Variants in TGM4 observed in about 807,000 individuals in gnomAD.
TGM4 encodes transglutaminase 4, also known as protein-glutamine gamma-glutamyltransferase 4.
A neutral mutation model predicts 76.3 loss-of-function variants in TGM4; 61 were observed. The ratio of observed to expected loss-of-function variants is 0.80; its 90% confidence interval spans 0.65 to 0.99. The LOEUF is 0.99. Ranked by LOEUF, TGM4 falls within the 50% of genes least tolerant of loss-of-function variation. The probability of loss-of-function intolerance (pLI) is 0.00; values close to 1 mark genes in which losing one functional copy is unlikely to be tolerated. For missense variants in TGM4, 794 were observed against 843.2 expected (o/e 0.94, Z 0.72); for synonymous variants, 337 against 329.8 (o/e 1.02, Z -0.24).
chr3:44,906,933 C>T lies in TGM4; in HGVS notation c.1076-16C>T, dbSNP rs1699928869. 1.9e-6 allele frequency: 3 copies of T among 1,611,128 alleles called. No individual in the cohort carries two copies. In the African/African-American group the frequency reaches 4.0e-5, roughly 22 times the overall value. ...GGGAACCCCACTGAGAGTGACCACC[C>T]CTGGCTTCCCCTCAGGTGTCTTCTG... On this transcript the variant is annotated splice_polypyrimidine_tract_variant and intron_variant, in intron 9 of 13. Transcript: ENST00000296125.
At chr3:44,908,997 ATTTG>A (rs1238123607) in intron 10 of TGM4, among the ~76,000 whole-genome samples, 1 of 152,208 alleles carries the variant, frequency 6.6e-6, no homozygotes, top group Non-Finnish European at 1.5e-5. Context: ...TGTGGTTGCT[ATTTG>A]TTTAACAACT....
intron 6 of TGM4, among the ~76,000 whole-genome samples, chr3:44,901,280 G>A (rs1252453794): frequency 1.3e-5 from 2 of 152,176 alleles, no homozygotes; most frequent in Non-Finnish European, 2.9e-5. Flanking sequence ...GTGTTGTAAT[G>A]ATCATCATTT....
At chr3:44,906,828 C>A in intron 9 of TGM4, 121 bp from the exon 10 acceptor site, 1 of 1,357,522 alleles carries the variant, frequency 7.4e-7, no homozygotes, top group Non-Finnish European at 1.0e-6. Context: ...TACCCAGATG[C>A]TTCTTGGGCA....
At position 44,901,577 on chromosome 3, in the gene TGM4, C is replaced by A. The variant is rs1995640; in HGVS notation, c.711C>A (p.Tyr237Ter). 1 of 1,612,904 alleles carries A rather than the reference C, an allele frequency of 6.2e-7. No individual in the cohort carries two copies. The highest frequency in any genetic ancestry group is 1.3e-5 in the African/African-American group (1 of 74,864). Residue 237 changes from tyrosine (Y) to a stop codon, truncating the protein, a stop_gained, in exon 7 of 14, where the codon TAC (tyrosine) becomes TAA (stop). Coordinates refer to ENST00000296125, the MANE Select transcript of TGM4 (RefSeq NM_003241.4). LOFTEE classifies it high-confidence loss of function. ...GVLIGNWTGD[Y>*]EGGTAPYKWT... ...TCATTGGGAATTGGACTGGGGACTACGAAGGTGGCACAGCCCCATACAAGT... is the reference window on the plus strand; with the variant it reads ...TCATTGGGAATTGGACTGGGGACTAAGAAGGTGGCACAGCCCCATACAAGT...
chr3:44,894,665 A>G (rs1346099359), intron 5 of TGM4, among the ~76,000 whole-genome samples: 1 of 151,378 alleles, frequency 6.6e-6, no homozygotes, highest in African/African-American at 2.4e-5. Context: ...AAGATTTGAC[A>G]ACAAAAAACT....
intron 3 of TGM4, 137 bp from the exon 4 acceptor site, chr3:44,890,465 TC>T: frequency 7.9e-7 from 1 of 1,261,668 alleles, no homozygotes; most frequent in Non-Finnish European, 1.1e-6. Context: ...CTGTCCAGGG[TC>T]CTGACCATTC....
chr3:44,882,642 G>A (rs994176661), intron 1 of TGM4, among the ~76,000 whole-genome samples: 1 of 152,076 alleles, frequency 6.6e-6, no homozygotes, highest in African/African-American at 2.4e-5. Flanking sequence ...GCCTTTCCAT[G>A]TCTCTTATAA....
chr3:44,894,348 C>G (rs1219148360), intron 5 of TGM4, among the ~76,000 whole-genome samples: 2 of 12,528 alleles, frequency 1.6e-4, no homozygotes, highest in Non-Finnish European at 3.4e-4. Context: ...ATACCCCCCA[C>G]CCCGCCACGG....
At chr3:44,879,265 C>CTCTATATATATA (rs1482970491) in intron 1 of TGM4, among the ~76,000 whole-genome samples, 11 of 92,270 alleles carry the variant, frequency 1.2e-4, no homozygotes, top group African/African-American at 3.5e-4. Context: ...CTCTCTCTCT[C>CTCTATATATATA]TATATATATA....
Position 44,907,002 on chromosome 3 carries a change from T to C in TGM4, c.1129T>C (p.Phe377Leu). 6.2e-7 allele frequency: 1 copy of C among 1,614,068 alleles called. No individual in the cohort carries two copies. Among genetic ancestry groups the C allele is most frequent in the Non-Finnish European group, 8.5e-7 (1 of 1,180,016 alleles). Residue 377 changes from phenylalanine (F) to leucine (L), a missense_variant, in exon 10 of 14, where the codon TTT becomes CTT. Coordinates refer to ENST00000296125, the MANE Select transcript of TGM4 (RefSeq NM_003241.4). ...GACCGCCATCCGCAAAGGTGACATC[T>C]TTATTGTCTATGACACCAGATTCGT... ...PLTAIRKGDI[F>L]IVYDTRFVFS...
intron 1 of TGM4, among the ~76,000 whole-genome samples, chr3:44,875,503 C>G (rs1699439621): frequency 3.3e-5 from 5 of 152,154 alleles, no homozygotes; most frequent in Admixed American, 1.3e-4. Flanking sequence ...GTGCCAGGCT[C>G]TGTGTCCCAT....
At chr3:44,877,333 AG>A (rs1397985296) in intron 1 of TGM4, among the ~76,000 whole-genome samples, 4 of 152,154 alleles carry the variant, frequency 2.6e-5, no homozygotes, top group Non-Finnish European at 5.9e-5. Flanking sequence ...CGGTAATCCC[AG>A]CTACTTGGGT....
intron 5 of TGM4, 131 bp downstream of exon 5, chr3:44,893,826 A>G (rs75966119): frequency 0.011 from 9,662 of 848,794 alleles, 116 homozygotes; most frequent in Middle Eastern, 0.05. Context: ...TCATACATGT[A>G]AAACTTGGCC....
rs1700043549 is a variant in TGM4, at chr3:44,913,861, C to T, written c.*136C>T. On this transcript the variant is annotated 3_prime_UTR_variant, in exon 14 of 14. Coordinates refer to ENST00000296125, the MANE Select transcript of TGM4 (RefSeq NM_003241.4). The stretch of plus-strand genomic sequence containing the variant: ...AGAGCCAGCAGGTCAAAAAGGCCAA[C>T]ACAACCATAAGCAGCCAGACCCACA... 2.4e-6 allele frequency: 3 copies of T among 1,267,326 alleles called. No homozygotes were observed. In the Admixed American group the frequency reaches 7.1e-5, roughly 30 times the overall value. The allele number at this position is 1,267,326 out of a possible 1,614,324, so 78.5% of individuals were successfully genotyped here.
intron 3 of TGM4, 56 bp downstream of exon 3, chr3:44,887,851 A>AC: frequency 6.7e-7 from 1 of 1,488,444 alleles, no homozygotes; most frequent in Non-Finnish European, 9.4e-7. Context: ...GAATGCTCCT[A>AC]ATGTGAGCAG....
chr3:44,874,761 C>T, intron 1 of TGM4, 64 bp downstream of exon 1: 1 of 1,606,162 alleles, frequency 6.2e-7, no homozygotes. Context: ...CTAAACTGCT[C>T]TCTTGCCTCT....
intron 4 of TGM4, 73 bp from the exon 5 acceptor site, chr3:44,893,504 C>G: frequency 7.8e-7 from 1 of 1,287,362 alleles, no homozygotes; most frequent in Non-Finnish European, 1.1e-6. Flanking sequence ...CCAGCACAGA[C>G]AGTCCCCATT....
At chr3:44,905,249 G>C (rs940650337) in intron 9 of TGM4, among the ~76,000 whole-genome samples, 1 of 151,580 alleles carries the variant, frequency 6.6e-6, no homozygotes, top group Non-Finnish European at 1.5e-5. Context: ...GCCTCCCAAA[G>C]TGCCGGGATT....
Position 44,914,682 on chromosome 3 carries a change from G to C in TGM4, c.*957G>C, listed in dbSNP as rs1339359303. On this transcript the variant is annotated 3_prime_UTR_variant, in exon 14 of 14. Coordinates refer to ENST00000296125, the MANE Select transcript of TGM4 (RefSeq NM_003241.4). ...GGCGGTTTATGCAGTCACTTGGGGA[G>C]CCATGGAATCCTTTGATCTCCCCAG... 6.6e-6 allele frequency: 1 copy of C among 152,122 alleles called. No homozygotes were observed. Among genetic ancestry groups the C allele is most frequent in the Non-Finnish European group, 1.5e-5 (1 of 68,038 alleles). 9.4% of individuals were successfully genotyped at this position (152,122 alleles called of 1,614,324 possible).
Sources: gnomAD v4.1 joint callset for allele counts (sites outside exome capture counted in the v4.1 genomes callset) on GRCh38, gnomAD v4.1.1 for gene constraint, MANE v1.5 for transcripts, NCBI Gene and HGNC (gene_info 2026-07-23, HGNC 2026-07-21) for gene names.